Variants in C12orf42 observed in about 807,000 individuals in gnomAD.
C12orf42 encodes the protein chromosome 12 open reading frame 42.
C12orf42 carries 25 observed loss-of-function variants against 21.6 expected under a neutral mutation model. That is an observed-to-expected ratio of 1.16 (90% CI 0.84 to 1.62). The LOEUF (loss-of-function observed/expected upper bound fraction) is 1.62, where lower values mean the gene tolerates loss of function less well. Ranked by LOEUF, C12orf42 falls within the 40% of genes most tolerant of loss-of-function variation. The pLI is 0.00. For synonymous variants in C12orf42, 174 were observed against 175.0 expected (o/e 0.99, Z 0.05); for missense variants, 483 against 459.3 (o/e 1.05, Z -0.47).
At chr12:103,066,481 T>A in the C12orf42 span, among the ~76,000 whole-genome samples, 5 of 152,306 alleles carry the variant, frequency 3.3e-5, no homozygotes, top group Non-Finnish European at 7.4e-5. Context: ...AGGGCCTGGT[T>A]CCCAGATGGT....
chr12:103,054,473 CT>C, the C12orf42 span, among the ~76,000 whole-genome samples: 6 of 151,340 alleles, frequency 4.0e-5, no homozygotes, highest in Admixed American at 1.3e-4. Flanking sequence ...TTCTAAGAGG[CT>C]TTTTTTTGCA....
At chr12:103,118,692 G>A in the C12orf42 span, among the ~76,000 whole-genome samples, 1 of 149,714 alleles carries the variant, frequency 6.7e-6, no homozygotes, top group Admixed American at 6.7e-5. Flanking sequence ...CAGCTACTCG[G>A]GAGGCTGAGG....
intron 4 of C12orf42, among the ~76,000 whole-genome samples, chr12:103,329,050 G>T (rs189064978): frequency 9.2e-5 from 14 of 152,300 alleles, no homozygotes; most frequent in Admixed American, 3.3e-4. Flanking sequence ...AGTGATAAGC[G>T]CAGGGATGCA....
intron 2 of C12orf42, among the ~76,000 whole-genome samples, chr12:103,409,702 T>G (rs2048690181): frequency 1.3e-5 from 2 of 152,322 alleles, no homozygotes; most frequent in South Asian, 4.1e-4. Flanking sequence ...AAGATGAGTA[T>G]GCAGATAAAT....
intron 1 of C12orf42, among the ~76,000 whole-genome samples, chr12:103,479,391 G>A (rs1333621773): frequency 5.9e-5 from 9 of 152,048 alleles, no homozygotes; most frequent in Non-Finnish European, 1.2e-4. Flanking sequence ...AAGACTAGGT[G>A]TGGAGTTGCA....
At chr12:103,106,857 T>TA in the C12orf42 span, among the ~76,000 whole-genome samples, 1 of 151,900 alleles carries the variant, frequency 6.6e-6, no homozygotes, top group African/African-American at 2.4e-5. Flanking sequence ...TGAGATGGAA[T>TA]AAAAATATAA....
chr12:103,325,358 A>C (rs2040576672), intron 4 of C12orf42, among the ~76,000 whole-genome samples: 1 of 152,220 alleles, frequency 6.6e-6, no homozygotes, highest in African/African-American at 2.4e-5. Context: ...CCGATCTGGC[A>C]TCCAGTCACA....
intron 1 of C12orf42, among the ~76,000 whole-genome samples, chr12:103,479,350 A>T (rs907387144): frequency 6.6e-6 from 1 of 152,136 alleles, no homozygotes; most frequent in African/African-American, 2.4e-5. Context: ...AATATTGGTT[A>T]CAGAGGTGTT....
intron 4 of C12orf42, among the ~76,000 whole-genome samples, chr12:103,295,923 T>C (rs1332418931): frequency 6.6e-6 from 1 of 152,050 alleles, no homozygotes; most frequent in Non-Finnish European, 1.5e-5. Context: ...TGCAGGTTTG[T>C]TACATATGTA....
the C12orf42 span, among the ~76,000 whole-genome samples, chr12:103,181,725 AGAGTTACACCATATCCATCAAAAACT>A: frequency 2.0e-5 from 3 of 152,254 alleles, no homozygotes; most frequent in Non-Finnish European, 4.4e-5. Flanking sequence ...CCTGACCTCT[AGAGTTACACCATATCCATCAAAAACT>A]CACCAGAGAA....
the C12orf42 span, among the ~76,000 whole-genome samples, chr12:103,520,968 C>T: frequency 6.6e-6 from 1 of 152,218 alleles, no homozygotes. Context: ...TTGTGAGAGG[C>T]TTTTATGCTG....
Position 103,368,954 on chromosome 12 carries a change from G to A in C12orf42, c.192C>T (p.Phe64=). The A allele has an allele frequency of 1.2e-6, 2 of 1,601,112 alleles. No individual in the cohort carries two copies. Among genetic ancestry groups the A allele is most frequent in the Non-Finnish European group, 1.7e-6 (2 of 1,172,484 alleles). The change falls in exon 4 of 6, where the codon TTC becomes TTT. Residue 64 remains phenylalanine, a synonymous_variant. Transcript: ENST00000548883. The part of the protein sequence containing the change: ...YERTSVPCSR[F]INHMKNFSES... Reference sequence around the variant, plus strand: ...CAGAGAAATTCTTCATGTGATTAATGAATCTGGAGCAGGGTACTGAAGTTC... The same window carrying A: ...CAGAGAAATTCTTCATGTGATTAATAAATCTGGAGCAGGGTACTGAAGTTC...
At chr12:103,506,729 C>G in the C12orf42 span, among the ~76,000 whole-genome samples, 1 of 142,112 alleles carries the variant, frequency 7.0e-6, no homozygotes, top group African/African-American at 2.7e-5. Flanking sequence ...AGTATAAATT[C>G]AACTAGGTTA....
At chr12:103,233,538 A>G (rs757240270), downstream of C12orf42, among the ~76,000 whole-genome samples, 2 of 152,090 alleles carry the variant, frequency 1.3e-5, no homozygotes, top group Non-Finnish European at 2.9e-5. Context: ...ATTTGTGCAT[A>G]TTTTGTTAGA....
At chr12:103,401,848 C>T (rs536970030) in intron 2 of C12orf42, among the ~76,000 whole-genome samples, 173 bp from the exon 3 acceptor site, 1 of 152,272 alleles carries the variant, frequency 6.6e-6, no homozygotes, top group African/African-American at 2.4e-5. Context: ...GCGTTGGGAA[C>T]AATGGTGAGC....
intron 4 of C12orf42, among the ~76,000 whole-genome samples, chr12:103,291,729 CTT>C (rs1021046170): frequency 6.6e-6 from 1 of 152,130 alleles, no homozygotes; most frequent in African/African-American, 2.4e-5. Context: ...GTGGAAGTGT[CTT>C]TTACCATTTT....
the C12orf42 span, among the ~76,000 whole-genome samples, chr12:103,050,249 T>C: frequency 6.6e-6 from 1 of 151,610 alleles, no homozygotes; most frequent in Non-Finnish European, 1.5e-5. Flanking sequence ...TGTGTGTGTG[T>C]GTGTATCAAA....
the C12orf42 span, among the ~76,000 whole-genome samples, chr12:103,121,958 C>T: frequency 4.4e-3 from 665 of 152,268 alleles, 5 homozygotes; most frequent in African/African-American, 0.015. Context: ...ATTGCCTTAT[C>T]CTTTACCTCA....
At chr12:103,100,957 T>G in the C12orf42 span, among the ~76,000 whole-genome samples, 2 of 152,228 alleles carry the variant, frequency 1.3e-5, no homozygotes, top group East Asian at 3.8e-4. Context: ...AAAAGTCTTC[T>G]GGGATGTGGT....
Sources: gnomAD v4.1 joint callset for allele counts (sites outside exome capture counted in the v4.1 genomes callset) on GRCh38, gnomAD v4.1.1 for gene constraint, MANE v1.5 for transcripts, NCBI Gene and HGNC (gene_info 2026-07-23, HGNC 2026-07-21) for gene names.